The following TRIM34 variants were observed in gnomAD, a reference collection of about 807,000 sequenced individuals.
TRIM34 encodes the protein tripartite motif containing 34.
A neutral mutation model predicts 38.1 loss-of-function variants in TRIM34; 41 were observed. The ratio of observed to expected loss-of-function variants is 1.08; its 90% CI spans 0.84 to 1.40. The LOEUF (loss-of-function observed/expected upper bound fraction) is 1.40. Among genes scored for constraint, TRIM34 ranks in the 40% most tolerant of loss-of-function variants. TRIM34 has a pLI of 0.00. For missense variants in TRIM34, 556 were observed against 571.4 expected (o/e 0.97, Z 0.27); for synonymous variants, 200 against 202.5 (o/e 0.99, Z 0.10).
chr11:5,643,789 G>T lies in TRIM34; in HGVS notation c.*80G>T, dbSNP rs1369718844. 6.7e-7 allele frequency: 1 copy of T among 1,499,216 alleles called. No individual in the cohort carries two copies. The highest frequency in any genetic ancestry group is 8.9e-7 in the Non-Finnish European group (1 of 1,124,848). 92.9% of individuals were successfully genotyped at this position (1,499,216 alleles called of 1,614,324 possible). On this transcript the variant is annotated 3_prime_UTR_variant, in exon 8 of 8. Coordinates refer to ENST00000429814, the MANE Select transcript of TRIM34 (RefSeq NM_021616.6). ...ACTCATCTGCAACATTCACACCATT[G>T]CTTCCTTGTGGTTTCCCTTCTTTAG...
chr11:5,641,393 G>A, intron 5 of TRIM34: 1 of 1,314,086 alleles, frequency 7.6e-7, no homozygotes. Context: ...AGTAAATTCA[G>A]TGGTTGAAGT....
chr11:5,627,578 T>TA (rs973984433), intron 1 of TRIM34, among the ~76,000 whole-genome samples: 1 of 152,192 alleles, frequency 6.6e-6, no homozygotes, highest in African/African-American at 2.4e-5. Flanking sequence ...GATTCTATGT[T>TA]AAAAAATAGC....
intron 1 of TRIM34, 122 bp downstream of exon 1, chr11:5,625,182 A>G (rs1365972891): frequency 1.3e-5 from 2 of 152,190 alleles, no homozygotes; most frequent in African/African-American, 4.8e-5. Flanking sequence ...AGCAAAGGCT[A>G]GCTTGCAGGC....
chr11:5,635,325 G>A (rs1367384084), intron 4 of TRIM34, among the ~76,000 whole-genome samples: 1 of 147,714 alleles, frequency 6.8e-6, no homozygotes, highest in Non-Finnish European at 1.5e-5. Flanking sequence ...GTGCGATCTC[G>A]GCTCACTGCA....
intron 1 of TRIM34, among the ~76,000 whole-genome samples, chr11:5,629,052 G>A (rs1849366312): frequency 1.3e-5 from 2 of 152,066 alleles, no homozygotes; most frequent in Non-Finnish European, 2.9e-5. Context: ...CGAGACAGGT[G>A]GATCACCTGA....
intron 3 of TRIM34, 82 bp downstream of exon 3, chr11:5,633,981 T>G (rs2133930899): frequency 6.8e-7 from 1 of 1,459,862 alleles, no homozygotes; most frequent in Middle Eastern, 1.8e-4. Flanking sequence ...TTTTTATTCC[T>G]TGACATTGCA....
intron 4 of TRIM34, among the ~76,000 whole-genome samples, chr11:5,637,127 G>A (rs952363139): frequency 6.6e-6 from 1 of 151,908 alleles, no homozygotes; most frequent in Non-Finnish European, 1.5e-5. Flanking sequence ...GAGCCAAGAT[G>A]GCGCCACTGC....
At chr11:5,625,721 A>T (rs1251294544) in intron 1 of TRIM34, among the ~76,000 whole-genome samples, 1 of 146,174 alleles carries the variant, frequency 6.8e-6, no homozygotes, top group Non-Finnish European at 1.5e-5. Context: ...TGCAGGTCTC[A>T]GGGCTCTCCT....
At position 5,643,299 on chromosome 11, in the gene TRIM34, G is replaced by C. The variant is rs1283673641; in HGVS notation, c.1057G>C (p.Val353Leu). 6.2e-7 allele frequency: 1 copy of C among 1,614,054 alleles called. No homozygotes were observed. The change falls in exon 8 of 8, where the codon GTG becomes CTG. Residue 353 changes from valine to leucine, a missense_variant. Physicochemically the swap from Val to Leu is conservative, Grantham distance 32. Transcript: ENST00000429814. ...YFSSGKHYWE[V>L]DVSKKTAWIL... ...CTCCTCTGGGAAACATTACTGGGAA[G>C]TGGACGTGTCCAAGAAAACTGCCTG...
At chr11:5,632,230 T>C in intron 1 of TRIM34, 25 bp from the exon 2 acceptor site, 1 of 1,572,144 alleles carries the variant, frequency 6.4e-7, no homozygotes, top group Non-Finnish European at 8.6e-7. Flanking sequence ...ACCATTCTTA[T>C]ACCATCCCCT....
Position 5,643,127 on chromosome 11 carries a change from T to TATATATA in TRIM34, c.902-17_902-16insATATATA, listed in dbSNP as rs777273270. ...TATATTCATATACATATATATATAT[T>TATATATA]TTTTTTTTTCTTGCAGTGGATGTCA... On this transcript the variant is annotated splice_polypyrimidine_tract_variant and intron_variant, in intron 7 of 7. Transcript: ENST00000429814. 1.1e-3 allele frequency: 587 copies of TATATATA among 521,360 alleles called. 4 individuals are homozygous for TATATATA. The highest frequency in any genetic ancestry group is 3.9e-3 in the East Asian group (57 of 14,646). 32.3% of individuals were successfully genotyped at this position (521,360 alleles called of 1,614,324 possible). A position where few individuals can be genotyped will look rare whatever the true frequency, so the allele number is the denominator to read the frequency against.
rs201319272 is a variant in TRIM34 at position 5,640,442 on chromosome 11, A to AT, written c.751-716dup. Among the ~76,000 whole-genome samples the AT allele has an allele frequency of 4.0e-3, 600 of 150,728 alleles. 3 individuals are homozygous for AT. The highest frequency in any genetic ancestry group is 0.012 in the African/African-American group (476 of 41,096). On this transcript the variant is annotated intron_variant, in intron 4 of 7. Coordinates refer to ENST00000429814, the MANE Select transcript of TRIM34 (RefSeq NM_021616.6). ...TTAATATGGTATATTACATCAATTG[A>AT]TTTTTTTTTATGTTGAACCAACCTT...
At chr11:5,631,226 A>AC (rs35008897) in intron 1 of TRIM34, among the ~76,000 whole-genome samples, 14,358 of 151,314 alleles carry the variant, frequency 0.095, 919 homozygotes, top group Non-Finnish European at 0.14. Flanking sequence ...CAAACACAAG[A>AC]CCCCCCCAGA....
rs776580619 is a variant in TRIM34, at chr11:5,643,143, G to A, written c.902-1G>A. Reference sequence around the variant, plus strand: ...TATATATATTTTTTTTTTTCTTGCAGTGGATGTCACACTGAATTCAGTCAA... The same window carrying A: ...TATATATATTTTTTTTTTTCTTGCAATGGATGTCACACTGAATTCAGTCAA... On this transcript the variant is annotated splice_acceptor_variant, in intron 7 of 7. Transcript: ENST00000429814. LOFTEE classifies it high-confidence loss of function. The A allele has an allele frequency of 2.8e-6, 4 of 1,429,978 alleles. No homozygotes were observed. The highest frequency in any genetic ancestry group is 2.7e-6 in the Non-Finnish European group (3 of 1,091,060). The allele number at this position is 1,429,978 out of a possible 1,614,324, so 88.6% of individuals were successfully genotyped here.
At chr11:5,642,759 G>A (rs1314925456) in intron 6 of TRIM34, 58 bp from the exon 7 acceptor site, 64 of 1,606,408 alleles carry the variant, frequency 4.0e-5, no homozygotes, top group Non-Finnish European at 5.2e-5. Context: ...GAATATATAG[G>A]TATCAGTGCT....
Position 5,632,266 on chromosome 11 carries a change from T to G in TRIM34, c.-66T>G. The stretch of plus-strand genomic sequence containing the variant: ...TTCAATCTTCTCAGCCATCCAGGGG[T>G]CTTTAACCAGAAGAGAGAGGAGAGC... On this transcript the variant is annotated 5_prime_UTR_variant, in exon 2 of 8. Transcript: ENST00000429814. 1 of 1,607,016 alleles carries G rather than the reference T, an allele frequency of 6.2e-7. No homozygotes were observed. Among genetic ancestry groups the G allele is most frequent in the South Asian group, 1.1e-5 (1 of 89,964 alleles).
chr11:5,631,912 A>G (rs1849498004), intron 1 of TRIM34, among the ~76,000 whole-genome samples: 1 of 152,204 alleles, frequency 6.6e-6, no homozygotes, highest in South Asian at 2.1e-4. Flanking sequence ...AATAAAAGAA[A>G]GATGGCAAAT....
chr11:5,637,045 T>C (rs1201725982), intron 4 of TRIM34, among the ~76,000 whole-genome samples: 3 of 152,168 alleles, frequency 2.0e-5, no homozygotes, highest in Non-Finnish European at 4.4e-5. Context: ...TGATGGCGGC[T>C]GCCTGTAGTC....
intron 1 of TRIM34, among the ~76,000 whole-genome samples, chr11:5,628,836 A>T (rs1184160084): frequency 6.6e-6 from 1 of 152,036 alleles, no homozygotes; most frequent in Non-Finnish European, 1.5e-5. Context: ...TCTATGTGAA[A>T]ATCGGTTCTA....
Sources: allele counts gnomAD v4.1 joint callset (sites outside exome capture counted in the v4.1 genomes callset), GRCh38; gene constraint gnomAD v4.1.1; transcripts MANE v1.5; gene names NCBI Gene and HGNC (gene_info 2026-07-23, HGNC 2026-07-21).